ROR1: variants seen among roughly 807,000 people sequenced by gnomAD.
ROR1 encodes the protein inactive tyrosine-protein kinase transmembrane receptor ROR1.
ROR1 carries 19 observed loss-of-function variants against 78.8 expected under a neutral mutation model. The observed-to-expected ratio is 0.24, with a 90% confidence interval of 0.17 to 0.35. The LOEUF is 0.35. Ranked by LOEUF, ROR1 falls within the 10% of genes least tolerant of loss-of-function variation. The pLI, the probability that ROR1 is intolerant of heterozygous loss-of-function variation, is 1.00. For missense variants in ROR1, 917 were observed against 1,177.8 expected, an observed-to-expected ratio of 0.78 and a Z score of 3.24; for synonymous variants, 386 against 433.6, an observed-to-expected ratio of 0.89 and a Z score of 1.36.
intron 8 of ROR1, among the ~76,000 whole-genome samples, chr1:64,175,943 CT>C (rs1356885719): frequency 2.6e-5 from 4 of 151,990 alleles, no homozygotes; most frequent in African/African-American, 9.7e-5. Context: ...GGGTAGTATT[CT>C]TTTTTAAAAA....
At chr1:63,958,612 T>C (rs1013426969) in intron 1 of ROR1, among the ~76,000 whole-genome samples, 4 of 152,228 alleles carry the variant, frequency 2.6e-5, no homozygotes, top group Non-Finnish European at 5.9e-5. Context: ...ATTTAAAGTT[T>C]TATCCTCTTA....
intron 2 of ROR1, among the ~76,000 whole-genome samples, chr1:64,031,460 A>G (rs566371095): frequency 1.3e-5 from 2 of 152,304 alleles, no homozygotes; most frequent in East Asian, 3.9e-4. Context: ...TGTAGCTGCC[A>G]TTTTTCTTGG....
At chr1:63,987,287 A>G (rs1283046400) in intron 1 of ROR1, among the ~76,000 whole-genome samples, 1 of 152,186 alleles carries the variant, frequency 6.6e-6, no homozygotes, top group Non-Finnish European at 1.5e-5. Flanking sequence ...AACCCACATC[A>G]TGAGGATTAA....
chr1:64,168,791 A>G (rs1650158947), intron 8 of ROR1, among the ~76,000 whole-genome samples: 1 of 152,236 alleles, frequency 6.6e-6, no homozygotes, highest in Admixed American at 6.5e-5. Context: ...TAAATTGCCC[A>G]ACTAGGTTCA....
chr1:64,169,535 C>G (rs1259043865), intron 8 of ROR1, among the ~76,000 whole-genome samples: 2 of 152,148 alleles, frequency 1.3e-5, no homozygotes, highest in Non-Finnish European at 2.9e-5. Flanking sequence ...TATGGGAATT[C>G]AAGATGAGAT....
At chr1:64,006,344 A>C (rs1470496975) in intron 1 of ROR1, among the ~76,000 whole-genome samples, 1 of 152,136 alleles carries the variant, frequency 6.6e-6, no homozygotes, top group East Asian at 1.9e-4. Flanking sequence ...GTGTTTGATG[A>C]GCCTTTTCAT....
intron 1 of ROR1, among the ~76,000 whole-genome samples, chr1:63,912,243 A>T (rs1282135152): frequency 6.6e-6 from 1 of 151,922 alleles, no homozygotes; most frequent in Non-Finnish European, 1.5e-5. Context: ...GGCTGCAGCA[A>T]GCCATGATGG....
chr1:63,787,359 T>C (rs1276853259), intron 1 of ROR1, among the ~76,000 whole-genome samples: 5 of 152,160 alleles, frequency 3.3e-5, no homozygotes, highest in Non-Finnish European at 5.9e-5. Context: ...GCATTGACTG[T>C]GGACCCAGCA....
At chr1:63,919,488 C>CT (rs10644304) in intron 1 of ROR1, among the ~76,000 whole-genome samples, 3,599 of 122,120 alleles carry the variant, frequency 0.029, 112 homozygotes, top group African/African-American at 0.068. Flanking sequence ...ATTGAATTGG[C>CT]TTTTTTTTTT....
intron 1 of ROR1, among the ~76,000 whole-genome samples, chr1:63,941,697 TC>T (rs1403939073): frequency 1.3e-5 from 2 of 152,208 alleles, no homozygotes; most frequent in Admixed American, 1.3e-4. Flanking sequence ...TCTAAACCCT[TC>T]CATACCTCCA....
intron 4 of ROR1, among the ~76,000 whole-genome samples, chr1:64,098,088 C>G (rs1188480707): frequency 6.6e-6 from 1 of 152,160 alleles, no homozygotes; most frequent in African/African-American, 2.4e-5. Context: ...TGCCACTCGA[C>G]AGGAACTTCA....
intron 1 of ROR1, among the ~76,000 whole-genome samples, chr1:63,792,600 T>G (rs1340669959): frequency 1.3e-5 from 2 of 152,196 alleles, no homozygotes; most frequent in African/African-American, 4.8e-5. Flanking sequence ...ATTTATAAAA[T>G]GGGCTAATAA....
chr1:63,944,106 T>G (rs1645863481), intron 1 of ROR1, among the ~76,000 whole-genome samples: 1 of 152,200 alleles, frequency 6.6e-6, no homozygotes, highest in Admixed American at 6.5e-5. Flanking sequence ...GATTATACCT[T>G]AAATTCCACA....
intron 1 of ROR1, among the ~76,000 whole-genome samples, chr1:63,797,699 C>CTA (rs1011257542): frequency 8.5e-5 from 13 of 152,176 alleles, no homozygotes; most frequent in Admixed American, 5.9e-4. Context: ...GCTGTGAGGG[C>CTA]TATATATATC....
intron 8 of ROR1, among the ~76,000 whole-genome samples, chr1:64,161,450 G>T (rs113248485): frequency 2.6e-5 from 4 of 152,210 alleles, no homozygotes; most frequent in Non-Finnish European, 2.9e-5. Context: ...GTAACCACAG[G>T]CATTCTCCTG....
At chr1:64,110,813 T>G (rs1347186691) in intron 4 of ROR1, 1 of 151,910 alleles carries the variant, frequency 6.6e-6, no homozygotes, top group African/African-American at 2.4e-5. Context: ...GGTAGGAAAT[T>G]AAGGGACTCT....
intron 2 of ROR1, among the ~76,000 whole-genome samples, chr1:64,014,102 T>C (rs12085940): frequency 0.043 from 6,583 of 152,324 alleles, 498 homozygotes; most frequent in African/African-American, 0.15. Context: ...GGACCATGTC[T>C]GTTGTGACAA....
At chr1:63,823,321 A>T (rs1213949874) in intron 1 of ROR1, among the ~76,000 whole-genome samples, 4 of 151,844 alleles carry the variant, frequency 2.6e-5, no homozygotes, top group Non-Finnish European at 5.9e-5. Flanking sequence ...CCACTCACCC[A>T]TCCATCCATC....
At chr1:64,116,610 G>A (rs2100681606) in intron 4 of ROR1, among the ~76,000 whole-genome samples, 1 of 152,258 alleles carries the variant, frequency 6.6e-6, no homozygotes, top group South Asian at 2.1e-4. Flanking sequence ...TTCACAGATT[G>A]CCTCTGCTTG....
Sources: allele counts gnomAD v4.1 joint callset (sites outside exome capture counted in the v4.1 genomes callset), GRCh38; gene constraint gnomAD v4.1.1; transcripts MANE v1.5; gene names NCBI Gene and HGNC (gene_info 2026-07-23, HGNC 2026-07-21).